The following CERS6 variants were observed in gnomAD, a reference collection of about 807,000 sequenced individuals.
CERS6 encodes ceramide synthase 6, also known as LAG1 homolog, ceramide synthase 6.
A neutral mutation model predicts 56.8 loss-of-function variants in CERS6; 26 were observed. The observed-to-expected ratio is 0.46, with a 90% confidence interval of 0.34 to 0.63. CERS6 has a LOEUF of 0.63. Among genes scored for constraint, CERS6 ranks in the 30% least tolerant of loss-of-function variants. The pLI is 0.01. For synonymous variants in CERS6, 164 were observed against 173.3 expected, an observed-to-expected ratio of 0.95 and a Z score of 0.42; for missense variants, 415 against 467.5, an observed-to-expected ratio of 0.89 and a Z score of 1.04.
intron 3 of CERS6, among the ~76,000 whole-genome samples, chr2:168,572,412 AGTAAAGAGAG>A (rs1299031675): frequency 2.6e-5 from 4 of 152,110 alleles, no homozygotes; most frequent in African/African-American, 7.2e-5. Context: ...AATAAAGAGA[AGTAAAGAGAG>A]GTGGAATACC....
chr2:168,544,128 A>G (rs924787467), intron 1 of CERS6, among the ~76,000 whole-genome samples: 1 of 152,228 alleles, frequency 6.6e-6, no homozygotes, highest in Non-Finnish European at 1.5e-5. Flanking sequence ...CATACCTACC[A>G]TGGGTCATTT....
At chr2:168,495,782 C>G (rs1186443512) in intron 1 of CERS6, among the ~76,000 whole-genome samples, 3 of 152,186 alleles carry the variant, frequency 2.0e-5, no homozygotes, top group African/African-American at 4.8e-5. Flanking sequence ...CTGTCTCATT[C>G]TCCTTTCAGG....
chr2:168,487,880 T>C (rs1327349420), intron 1 of CERS6, among the ~76,000 whole-genome samples: 2 of 152,174 alleles, frequency 1.3e-5, no homozygotes, highest in African/African-American at 4.8e-5. Flanking sequence ...TGACATCCAG[T>C]TAATTTTTAA....
At chr2:168,464,378 T>A (rs1189902842) in intron 1 of CERS6, among the ~76,000 whole-genome samples, 1 of 152,014 alleles carries the variant, frequency 6.6e-6, no homozygotes, top group African/African-American at 2.4e-5. Flanking sequence ...CCGGGCTAGT[T>A]TCGAACTCTT....
At chr2:168,573,649 GC>G (rs1683173823) in intron 3 of CERS6, among the ~76,000 whole-genome samples, 1 of 152,000 alleles carries the variant, frequency 6.6e-6, no homozygotes, top group African/African-American at 2.4e-5. Context: ...GATTGGAAAT[GC>G]CTTATTTAGG....
rs181806381 is a variant in CERS6, at chr2:168,461,218, G to A, written c.170+4600G>A. 1.4e-4 allele frequency among the ~76,000 whole-genome samples: 21 copies of A among 152,258 alleles called. 1 individual carries two copies. Among genetic ancestry groups the A allele is most frequent in the East Asian group, 9.6e-4 (5 of 5,190 alleles). On this transcript the variant is annotated intron_variant, in intron 1 of 9. Coordinates refer to ENST00000305747, the MANE Select transcript of CERS6 (RefSeq NM_203463.3). ...CAACCATGGTTTTCTCATGCAATCA[G>A]TGCTGGATGTTAAACCCTATAAGTG...
rs777509091 is a variant in CERS6, at chr2:168,766,459, G to T, written c.1002+711G>T. The T allele has an allele frequency of 4.9e-5, 45 of 914,758 alleles. No individual in the cohort carries two copies. In the Middle Eastern group the frequency reaches 6.0e-3, roughly 122 times the overall value. 56.7% of individuals were successfully genotyped at this position (914,758 alleles called of 1,614,324 possible). On this transcript the variant is annotated intron_variant, in intron 9 of 9. Transcript: ENST00000305747. ...TTGTTCTGTCTAACCTATTGGCACTGTCTAGAGGCTTCATGTGAGCTGTAG... is the reference window on the plus strand; with the variant it reads ...TTGTTCTGTCTAACCTATTGGCACTTTCTAGAGGCTTCATGTGAGCTGTAG...
chr2:168,531,543 C>T (rs901594177), intron 1 of CERS6, among the ~76,000 whole-genome samples: 6 of 152,084 alleles, frequency 3.9e-5, no homozygotes, highest in East Asian at 1.9e-4. Flanking sequence ...ACTGACTGTC[C>T]GGGTGCGGTG....
chr2:168,639,563 T>A (rs2105305055), intron 4 of CERS6, among the ~76,000 whole-genome samples: 1 of 152,308 alleles, frequency 6.6e-6, no homozygotes, highest in South Asian at 2.1e-4. Flanking sequence ...AACCAGATGT[T>A]CTTTACTTAA....
chr2:168,611,529 A>G (rs1317308791), intron 3 of CERS6, among the ~76,000 whole-genome samples: 1 of 152,236 alleles, frequency 6.6e-6, no homozygotes, highest in Non-Finnish European at 1.5e-5. Flanking sequence ...ATGAATAAAC[A>G]TACTTACTTT....
At chr2:168,609,255 A>G (rs1400822436) in intron 3 of CERS6, among the ~76,000 whole-genome samples, 1 of 152,074 alleles carries the variant, frequency 6.6e-6, no homozygotes, top group Non-Finnish European at 1.5e-5. Flanking sequence ...TCAGCCTCCC[A>G]AGTAGCTGGG....
At chr2:168,569,640 T>C (rs898055390) in intron 3 of CERS6, among the ~76,000 whole-genome samples, 3 of 152,196 alleles carry the variant, frequency 2.0e-5, no homozygotes, top group African/African-American at 7.2e-5. Flanking sequence ...TATAAGCAAA[T>C]ATGAAATCCG....
chr2:168,518,312 A>G (rs1694919314), intron 1 of CERS6, among the ~76,000 whole-genome samples: 1 of 152,214 alleles, frequency 6.6e-6, no homozygotes, highest in Non-Finnish European at 1.5e-5. Context: ...TAACAGTAGC[A>G]TAGGCTCAGT....
chr2:168,662,546 TG>T (rs1685657428), intron 4 of CERS6, among the ~76,000 whole-genome samples: 2 of 152,088 alleles, frequency 1.3e-5, no homozygotes, highest in Admixed American at 1.3e-4. Context: ...CTGGCCAACA[TG>T]GTGAAACCCC....
chr2:168,547,406 T>C (rs929088642), intron 1 of CERS6, among the ~76,000 whole-genome samples, 190 bp from the exon 2 acceptor site: 1 of 152,216 alleles, frequency 6.6e-6, no homozygotes, highest in Non-Finnish European at 1.5e-5. Flanking sequence ...ATGTTACTGC[T>C]GGGGGCTAAC....
intron 8 of CERS6, among the ~76,000 whole-genome samples, chr2:168,745,463 G>T (rs1684071854): frequency 6.6e-6 from 1 of 152,044 alleles, no homozygotes; most frequent in Non-Finnish European, 1.5e-5. Flanking sequence ...GGATGGTCTT[G>T]ATCTCCTGAC....
At chr2:168,484,282 A>G (rs143702697) in intron 1 of CERS6, among the ~76,000 whole-genome samples, 3,210 of 142,520 alleles carry the variant, frequency 0.023, 104 homozygotes, top group African/African-American at 0.081. Context: ...CCCGGGTTCA[A>G]GTAATTCTCC....
At chr2:168,527,468 C>T (rs1318795906) in intron 1 of CERS6, among the ~76,000 whole-genome samples, 1 of 152,164 alleles carries the variant, frequency 6.6e-6, no homozygotes, top group Non-Finnish European at 1.5e-5. Context: ...GTGTCCTAGT[C>T]CATTTTATGC....
intron 1 of CERS6, among the ~76,000 whole-genome samples, chr2:168,494,703 T>C (rs1214597912): frequency 6.6e-6 from 1 of 152,094 alleles, no homozygotes; most frequent in African/African-American, 2.4e-5. Flanking sequence ...AGGGGACTTA[T>C]ATACAGGGTG....
Sources: allele counts gnomAD v4.1 joint callset (sites outside exome capture counted in the v4.1 genomes callset), GRCh38; gene constraint gnomAD v4.1.1; transcripts MANE v1.5; gene names NCBI Gene and HGNC (gene_info 2026-07-23, HGNC 2026-07-21).